The following FYB1 variants were observed in gnomAD, a reference collection of about 807,000 sequenced individuals.
FYB1 encodes FYN binding protein 1, also known as FYN-binding protein 1.
FYB1 carries 41 observed loss-of-function variants against 94.1 expected under a neutral mutation model. That is an observed-to-expected ratio of 0.44 (90% CI 0.34 to 0.57). The LOEUF (loss-of-function observed/expected upper bound fraction) is 0.57, where lower values mean the gene tolerates loss of function less well. FYB1 is among the 20% of genes least tolerant of loss of function. The pLI, the probability that FYB1 is intolerant of heterozygous loss-of-function variation, is 0.02. For synonymous variants in FYB1, 367 were observed against 353.2 expected (o/e 1.04, Z -0.44); for missense variants, 1,050 against 976.8 (o/e 1.07, Z -1.00).
At chr5:39,147,766 C>T (rs971144796) in intron 3 of FYB1, among the ~76,000 whole-genome samples, 7 of 149,808 alleles carry the variant, frequency 4.7e-5, no homozygotes, top group Non-Finnish European at 8.9e-5. Context: ...CTGCAAGCTC[C>T]GCCTCCCAGG....
At chr5:39,135,742 T>A (rs184990410) in intron 7 of FYB1, among the ~76,000 whole-genome samples, 11 of 152,356 alleles carry the variant, frequency 7.2e-5, no homozygotes, top group African/African-American at 2.2e-4. Context: ...ATCATTATCA[T>A]GTACCACTAA....
At chr5:39,206,698 T>G (rs1309457000) in intron 1 of FYB1, among the ~76,000 whole-genome samples, 2 of 152,212 alleles carry the variant, frequency 1.3e-5, no homozygotes, top group Non-Finnish European at 2.9e-5. Context: ...CAAACTGATC[T>G]TCCTCAAATA....
chr5:39,262,464 T>C (rs999375489), intron 1 of FYB1, among the ~76,000 whole-genome samples: 2 of 152,144 alleles, frequency 1.3e-5, no homozygotes, highest in Admixed American at 1.3e-4. Flanking sequence ...GTGTAACAAA[T>C]TGTCAAAACT....
chr5:39,185,591 T>G (rs1303219483), intron 2 of FYB1, among the ~76,000 whole-genome samples: 1 of 146,752 alleles, frequency 6.8e-6, no homozygotes, highest in African/African-American at 2.5e-5. Flanking sequence ...TATATACATA[T>G]ATATACATAT....
chr5:39,270,894 G>T, intron 1 of FYB1: 2 of 299,652 alleles, frequency 6.7e-6, no homozygotes, highest in Non-Finnish European at 1.2e-5. Context: ...CATTATTAAT[G>T]TTTTATATAA....
At chr5:39,273,022 TG>T (rs1385564697) in intron 1 of FYB1, among the ~76,000 whole-genome samples, 2 of 151,904 alleles carry the variant, frequency 1.3e-5, no homozygotes, top group Non-Finnish European at 2.9e-5. Context: ...AGGAGGGAGG[TG>T]GGGGGCGCCT....
intron 2 of FYB1, among the ~76,000 whole-genome samples, chr5:39,194,467 G>T (rs2150471765): frequency 6.6e-6 from 1 of 152,162 alleles, no homozygotes; most frequent in South Asian, 2.1e-4. Flanking sequence ...AGGCTGCAGT[G>T]AGCTGTGATT....
chr5:39,134,281 C>G lies in FYB1; in HGVS notation c.1744G>C (p.Gly582Arg), dbSNP rs773412618. The stretch of plus-strand genomic sequence containing the variant: ...TCTTCAATAGGTCTTGAAGGGGCAC[C>G]AAGAGAGTCTTTTTTCAGTTTCAAA... ...DSLKLKKDSL[G>R]APSRPIEDDQ... Residue 582 changes from glycine to arginine, a missense_variant, in exon 9 of 19, where the codon GGT (glycine) becomes CGT (arginine). Gly to Arg is a moderately radical substitution (Grantham distance 125). Coordinates refer to ENST00000512982, the MANE Select transcript of FYB1 (RefSeq NM_001465.6). 5.0e-6 allele frequency: 8 copies of G among 1,611,118 alleles called. No individual in the cohort carries two copies. Among genetic ancestry groups the G allele is most frequent in the Admixed American group, 1.7e-5 (1 of 59,980 alleles).
intron 16 of FYB1, among the ~76,000 whole-genome samples, chr5:39,117,111 G>A (rs188010956): frequency 1.1e-3 from 171 of 152,180 alleles, no homozygotes; most frequent in African/African-American, 4.0e-3. Flanking sequence ...GGAAAGTAGA[G>A]GGCAGAAAAT....
rs116497156 is a variant in FYB1 at position 39,124,318 on chromosome 5, A to G, written c.2046-40T>C. The G allele has an allele frequency of 2.8e-3, 4,062 of 1,438,620 alleles. 99 individuals carry two copies. In the African/African-American group the frequency reaches 0.054, roughly 19 times the overall value. 89.1% of individuals were successfully genotyped at this position (1,438,620 alleles called of 1,614,324 possible). On this transcript the variant is annotated intron_variant, in intron 12 of 18. Transcript: ENST00000512982. ...AGAACACAATTATAATCAGACTAAC[A>G]TGAACACAGAAATTGATTCCGTTAT...
chr5:39,147,302 C>T (rs1742744758), intron 3 of FYB1, among the ~76,000 whole-genome samples: 1 of 151,410 alleles, frequency 6.6e-6, no homozygotes, highest in Admixed American at 6.6e-5. Flanking sequence ...CAGGATCTTA[C>T]TCTGTCCCCC....
intron 1 of FYB1, among the ~76,000 whole-genome samples, chr5:39,256,960 A>T (rs922133925): frequency 6.6e-6 from 1 of 152,252 alleles, no homozygotes; most frequent in African/African-American, 2.4e-5. Context: ...AAACATTTTC[A>T]TGTAAGTTCA....
intron 1 of FYB1, among the ~76,000 whole-genome samples, chr5:39,231,810 A>C (rs1487234409): frequency 6.6e-6 from 1 of 151,978 alleles, no homozygotes; most frequent in African/African-American, 2.4e-5. Flanking sequence ...AGAATCAGCA[A>C]TTCTCAGCTG....
At chr5:39,138,490 A>T in intron 6 of FYB1, 167 bp downstream of exon 6, 1 of 496,540 alleles carries the variant, frequency 2.0e-6, no homozygotes, top group East Asian at 3.4e-5. Context: ...ATTCTTAGAG[A>T]ACTAAATAAT....
chr5:39,183,714 AG>A (rs1032695945), intron 2 of FYB1, among the ~76,000 whole-genome samples: 47 of 152,342 alleles, frequency 3.1e-4, no homozygotes, highest in African/African-American at 1.1e-3. Flanking sequence ...AAAATCAAAA[AG>A]GCATTTGCCA....
chr5:39,134,713 T>C, intron 8 of FYB1, 142 bp downstream of exon 8: 5 of 777,930 alleles, frequency 6.4e-6, no homozygotes, highest in Non-Finnish European at 1.0e-5. Context: ...GAACTATACC[T>C]GCCATTTAAC....
chr5:39,264,483 C>A (rs1752347102), intron 1 of FYB1, among the ~76,000 whole-genome samples: 2 of 152,176 alleles, frequency 1.3e-5, no homozygotes, highest in Admixed American at 1.3e-4. Context: ...GCCTTAAGAC[C>A]CAGCATTCAT....
intron 12 of FYB1, 78 bp downstream of exon 12, chr5:39,125,920 T>A (rs1188429536): frequency 1.4e-6 from 2 of 1,413,962 alleles, no homozygotes; most frequent in East Asian, 4.6e-5. Context: ...GGTTATTGGT[T>A]ATAGAATATT....
At chr5:39,236,559 G>A (rs965893353) in intron 1 of FYB1, among the ~76,000 whole-genome samples, 3 of 152,000 alleles carry the variant, frequency 2.0e-5, no homozygotes, top group Admixed American at 6.6e-5. Flanking sequence ...AAATTTGTAG[G>A]GGGTACAGAT....
Sources: gnomAD v4.1 joint callset for allele counts (sites outside exome capture counted in the v4.1 genomes callset) on GRCh38, gnomAD v4.1.1 for gene constraint, MANE v1.5 for transcripts, NCBI Gene and HGNC (gene_info 2026-07-23, HGNC 2026-07-21) for gene names.